Variants in HS6ST2 observed in about 807,000 individuals in gnomAD.
HS6ST2 encodes the protein heparan-sulfate 6-O-sulfotransferase 2.
In HS6ST2, 17 loss-of-function variants were observed where a neutral mutation model predicts 33.0. The observed-to-expected ratio is 0.52, with a 90% CI of 0.35 to 0.77. The LOEUF (loss-of-function observed/expected upper bound fraction) is 0.77. HS6ST2 is among the 30% of genes least tolerant of loss of function. The probability of loss-of-function intolerance (pLI) is 0.01; values close to 1 mark genes in which losing one functional copy is unlikely to be tolerated. For synonymous variants in HS6ST2, 248 were observed against 237.1 expected (o/e 1.05, Z -0.42); for missense variants, 519 against 551.7 (o/e 0.94, Z 0.59).
chrX:132,943,028 T>C (rs2066903863), intron 2 of HS6ST2, among the ~76,000 whole-genome samples: 1 of 112,411 alleles, frequency 8.9e-6, no homozygotes, highest in Admixed American at 9.5e-5. Context: ...TGTGTAAATC[T>C]TCAATGTAAA....
Position 132,628,319 on chromosome X carries a change from G to C in HS6ST2, c.1842C>G (p.Asn614Lys). ...CTGAGTTCTGCTTCGGGCTTTCCCGGTTCTCCTTCTGGCTCAAACTCTGAG... is the reference window on the plus strand; with the variant it reads ...CTGAGTTCTGCTTCGGGCTTTCCCGCTTCTCCTTCTGGCTCAAACTCTGAG... ...NLTQSLSQKE[N>K]RESPKQNSGK... The change falls in exon 5 of 5, where the codon AAC (asparagine) becomes AAG (lysine). Residue 614 changes from asparagine to lysine, a missense_variant. Asn to Lys is a moderately conservative substitution (Grantham distance 94). Coordinates refer to ENST00000370833, the MANE Select transcript of HS6ST2 (RefSeq NM_001394073.1). 1 of 1,168,148 alleles carries C rather than the reference G, an allele frequency of 8.6e-7. No homozygotes were observed. The highest frequency in any genetic ancestry group is 1.1e-6 in the Non-Finnish European group (1 of 873,117).
intron 2 of HS6ST2, among the ~76,000 whole-genome samples, chrX:132,738,447 G>A (rs2064530503): frequency 8.9e-6 from 1 of 112,452 alleles, no homozygotes; most frequent in African/African-American, 3.2e-5. Context: ...GGAAAAGAAT[G>A]GAACAAGATT....
intron 2 of HS6ST2, among the ~76,000 whole-genome samples, chrX:132,800,238 A>G (rs1320620404): frequency 9.0e-6 from 1 of 111,254 alleles, no homozygotes; most frequent in Non-Finnish European, 1.9e-5. Context: ...ATGGCAGTGC[A>G]AACCCTATTG....
intron 2 of HS6ST2, among the ~76,000 whole-genome samples, chrX:132,727,118 T>C (rs748796718): frequency 9.1e-6 from 1 of 110,355 alleles, no homozygotes; most frequent in Non-Finnish European, 1.9e-5. Flanking sequence ...TTAAGGTTCA[T>C]TTGAAATAAA....
Position 132,805,710 on chromosome X carries a change from C to T in HS6ST2, c.948-97216G>A, listed in dbSNP as rs1291184282. ...GCTTTTAGCTCCTAAATGGGAAAAACTCCTGCCCCCACTTTCACATCCAAA... is the reference window on the plus strand; with the variant it reads ...GCTTTTAGCTCCTAAATGGGAAAAATTCCTGCCCCCACTTTCACATCCAAA... On this transcript the variant is annotated intron_variant, in intron 2 of 4. Transcript: ENST00000370833. 4.5e-5 allele frequency among the ~76,000 whole-genome samples: 5 copies of T among 110,122 alleles called. No individual in the cohort carries two copies. The East Asian group carries it at 1.4e-3, about 31-fold the overall frequency.
At chrX:132,892,233 G>C (rs2066322703) in intron 2 of HS6ST2, among the ~76,000 whole-genome samples, 1 of 111,897 alleles carries the variant, frequency 8.9e-6, no homozygotes, top group Non-Finnish European at 1.9e-5. Flanking sequence ...CAGTATTTTT[G>C]TTAAAAATGT....
At chrX:132,674,632 G>A (rs1024713074) in intron 3 of HS6ST2, among the ~76,000 whole-genome samples, 6 of 112,018 alleles carry the variant, frequency 5.4e-5, no homozygotes, top group African/African-American at 1.6e-4. Flanking sequence ...GTCCCTGAAT[G>A]CCTCATTGGG....
In HS6ST2 at chrX:132,637,936, T is replaced by A. The variant is rs1308096307; in HGVS notation, c.1068-8843A>T. Among the ~76,000 whole-genome samples the A allele has an allele frequency of 2.8e-4, 20 of 71,950 alleles. 1 individual carries two copies. The highest frequency in any genetic ancestry group is 8.5e-4 in the African/African-American group (16 of 18,732). 62.5% of individuals were successfully genotyped at this position (71,950 alleles called of 115,157 possible). A position where few individuals can be genotyped will look rare whatever the true frequency, so the allele number is the denominator to read the frequency against. On this transcript the variant is annotated intron_variant, in intron 4 of 4. Transcript: ENST00000370833. ...TAATATTTTATATATATATTATATATAATATTTTATATATAATATATATAA... is the reference window on the plus strand; with the variant it reads ...TAATATTTTATATATATATTATATAAAATATTTTATATATAATATATATAA...
rs1294431742 is a variant in HS6ST2, at chrX:132,818,188, C to T, written c.948-109694G>A. On this transcript the variant is annotated intron_variant, in intron 2 of 4. Coordinates refer to ENST00000370833, the MANE Select transcript of HS6ST2 (RefSeq NM_001394073.1). ...CAACCCCTAGTTATTAATAGTTGTA[C>T]TGTGTGACACTCTTTCGGCTTTCAA... Among the ~76,000 whole-genome samples, 3 of 111,093 alleles carry T rather than the reference C, an allele frequency of 2.7e-5. No individual in the cohort carries two copies. In the Admixed American group the frequency reaches 2.9e-4, roughly 11 times the overall value.
Position 132,885,768 on chromosome X carries a change from C to T in HS6ST2, c.947+71040G>A, listed in dbSNP as rs182026237. Among the ~76,000 whole-genome samples the T allele has an allele frequency of 2.5e-4, 28 of 111,478 alleles. No homozygotes were observed. The East Asian group carries it at 7.6e-3, about 30-fold the overall frequency. ...CACAGCCTCTGTACACTAAACTACA[C>T]AGACAGAGAAAAGAACCAATAGAAA... On this transcript the variant is annotated intron_variant, in intron 2 of 4. Transcript: ENST00000370833.
At chrX:132,773,027 TTATA>T (rs1189312541) in intron 2 of HS6ST2, among the ~76,000 whole-genome samples, 3 of 92,381 alleles carry the variant, frequency 3.2e-5, no homozygotes, top group African/African-American at 1.2e-4. Context: ...AAATAATAGA[TTATA>T]TATATGTTTA....
chrX:132,826,665 A>ATG (rs2065523925), intron 2 of HS6ST2, among the ~76,000 whole-genome samples: 1 of 110,227 alleles, frequency 9.1e-6, no homozygotes, highest in South Asian at 3.8e-4. Flanking sequence ...ATATATATAT[A>ATG]AAGGGCCACT....
chrX:132,942,940 A>C (rs1190093635), intron 2 of HS6ST2, among the ~76,000 whole-genome samples: 3 of 111,836 alleles, frequency 2.7e-5, no homozygotes, highest in African/African-American at 9.7e-5. Flanking sequence ...TAAGGTCCTC[A>C]TTTTTCTTAT....
chrX:132,699,170 G>A (rs1342643148), intron 3 of HS6ST2, among the ~76,000 whole-genome samples: 1 of 111,440 alleles, frequency 9.0e-6, no homozygotes, highest in Non-Finnish European at 1.9e-5. Context: ...CATGAGAAGG[G>A]GAAATCAGAG....
chrX:132,835,881 A>T (rs1383468966), intron 2 of HS6ST2, among the ~76,000 whole-genome samples: 1 of 111,573 alleles, frequency 9.0e-6, no homozygotes, highest in East Asian at 2.8e-4. Context: ...GCGACACTGC[A>T]CTCCAGCTTG....
intron 2 of HS6ST2, among the ~76,000 whole-genome samples, chrX:132,954,472 C>G (rs1301748427): frequency 8.9e-6 from 1 of 111,870 alleles, no homozygotes; most frequent in Non-Finnish European, 1.9e-5. Context: ...CACACACTCT[C>G]TCATTCTCAC....
intron 2 of HS6ST2, among the ~76,000 whole-genome samples, chrX:132,819,032 T>C (rs2065424785): frequency 9.0e-6 from 1 of 111,422 alleles, no homozygotes; most frequent in Non-Finnish European, 1.9e-5. Context: ...GCTGCATTAA[T>C]TTTTATGTTT....
chrX:132,765,317 G>A (rs189050027), intron 2 of HS6ST2, among the ~76,000 whole-genome samples: 72 of 112,629 alleles, frequency 6.4e-4, no homozygotes, highest in African/African-American at 2.3e-3. Flanking sequence ...TTTAAAGAAT[G>A]CGTGTGGAGA....
At chrX:132,799,583 T>TGTTGCCCAGGCTG (rs1340188364) in intron 2 of HS6ST2, among the ~76,000 whole-genome samples, 1 of 110,520 alleles carries the variant, frequency 9.0e-6, no homozygotes, top group Non-Finnish European at 1.9e-5. Context: ...GGTCTCACTA[T>TGTTGCCCAGGCTG]GTTGCCCAGG....
Sources: allele counts gnomAD v4.1 joint callset (sites outside exome capture counted in the v4.1 genomes callset), GRCh38; gene constraint gnomAD v4.1.1; transcripts MANE v1.5; gene names NCBI Gene and HGNC (gene_info 2026-07-23, HGNC 2026-07-21).